Variants in ANGPTL7 observed in about 807,000 individuals in gnomAD.
ANGPTL7 encodes angiopoietin like 7, also known as angiopoietin-related protein 7.
Under a neutral mutation model 38.8 loss-of-function variants are expected in ANGPTL7, and 37 were observed. The ratio of observed to expected loss-of-function variants is 0.95; its 90% CI spans 0.73 to 1.25. The LOEUF (loss-of-function observed/expected upper bound fraction) is 1.25, where lower values mean the gene tolerates loss of function less well. Among genes scored for constraint, ANGPTL7 ranks in the 50% most tolerant of loss-of-function variants. ANGPTL7 has a pLI of 0.00. For synonymous variants in ANGPTL7, 166 were observed against 163.2 expected, an observed-to-expected ratio of 1.02 and a Z score of -0.13; for missense variants, 427 against 438.6, an observed-to-expected ratio of 0.97 and a Z score of 0.24.
rs1645453507 is a variant in ANGPTL7 at position 11,189,769 on chromosome 1, A to G, written c.190A>G (p.Ser64Gly). ...AQVANLSSLL[S>G]ELNKKQERDW... ...AGTTGCCAACCTTAGCAGCCTGCTG[A>G]GTGAACTGAACAAGAAGCAGGAGAG... Residue 64 changes from serine (S) to glycine (G), a missense_variant, in exon 1 of 5, where the codon AGT becomes GGT. Coordinates refer to ENST00000376819, the MANE Select transcript of ANGPTL7 (RefSeq NM_021146.4). 1 of 1,614,198 alleles carries G rather than the reference A, an allele frequency of 6.2e-7. No individual in the cohort carries two copies. Among genetic ancestry groups the G allele is most frequent in the East Asian group, 2.2e-5 (1 of 44,874 alleles).
At chr1:11,192,117 C>G (rs1320130168) in intron 1 of ANGPTL7, among the ~76,000 whole-genome samples, 153 bp from the exon 2 acceptor site, 1 of 152,210 alleles carries the variant, frequency 6.6e-6, no homozygotes, top group Non-Finnish European at 1.5e-5. Context: ...CCCTCTGGAT[C>G]TCCCCATATC....
chr1:11,191,509 C>T (rs1295920231), intron 1 of ANGPTL7, among the ~76,000 whole-genome samples: 2 of 152,114 alleles, frequency 1.3e-5, no homozygotes, highest in African/African-American at 2.4e-5. Flanking sequence ...GGAAGCTTCT[C>T]TTGGATAGTA....
Position 11,193,755 on chromosome 1 carries a change from G to A in ANGPTL7, c.653G>A (p.Arg218Gln), listed in dbSNP as rs373447681. The A allele has an allele frequency of 4.3e-5, 69 of 1,613,992 alleles. No homozygotes were observed. The highest frequency in any genetic ancestry group is 2.5e-4 in the East Asian group (11 of 44,896). The change falls in exon 3 of 5, where the codon CGG (arginine) becomes CAG (glutamine). Residue 218 changes from arginine to glutamine, a missense_variant. By Grantham distance (43) the Arg-to-Gln change is conservative. Transcript: ENST00000376819. ...HIHRLSRQPT[R>Q]LRVEMEDWEG... Reference sequence around the variant, plus strand: ...CACCGGCTCTCCAGACAGCCAACCCGGCTGCGTGTAGAGATGGAGGTAAGC... The same window carrying A: ...CACCGGCTCTCCAGACAGCCAACCCAGCTGCGTGTAGAGATGGAGGTAAGC...
intron 1 of ANGPTL7, among the ~76,000 whole-genome samples, chr1:11,190,823 TC>T (rs1291282723): frequency 1.3e-5 from 2 of 152,158 alleles, no homozygotes; most frequent in African/African-American, 4.8e-5. Context: ...AAACCATTGG[TC>T]CCATTATAAA....
intron 1 of ANGPTL7, 96 bp downstream of exon 1, chr1:11,190,051 C>A: frequency 7.1e-7 from 1 of 1,412,894 alleles, no homozygotes. Context: ...ACTGGGGCCT[C>A]TTTTGTGGGT....
chr1:11,191,757 T>C (rs1295699184), intron 1 of ANGPTL7, among the ~76,000 whole-genome samples: 1 of 152,170 alleles, frequency 6.6e-6, no homozygotes, highest in East Asian at 1.9e-4. Flanking sequence ...AAATATGTGA[T>C]AATAAAATCT....
chr1:11,190,002 A>C (rs1645467198), intron 1 of ANGPTL7, 47 bp downstream of exon 1: 2 of 1,559,376 alleles, frequency 1.3e-6, no homozygotes, highest in South Asian at 2.5e-5. Context: ...CTCCCCATCT[A>C]CAGCACTGCT....
At position 11,189,374 on chromosome 1, in the gene ANGPTL7, T is replaced by C; in HGVS notation, c.-206T>C. 4 of 621,858 alleles carry C rather than the reference T, an allele frequency of 6.4e-6. No homozygotes were observed. The highest frequency in any genetic ancestry group is 1.1e-5 in the Non-Finnish European group (4 of 362,128). 38.5% of individuals were successfully genotyped at this position (621,858 alleles called of 1,614,324 possible). A position where few individuals can be genotyped will look rare whatever the true frequency, so the allele number is the denominator to read the frequency against. ...GCATTCGGGCTTGGAAGGAAAGCTA[T>C]AGGCTACCCATTCAGCTCCCCTGTC... On this transcript the variant is annotated 5_prime_UTR_variant, in exon 1 of 5. Coordinates refer to ENST00000376819, the MANE Select transcript of ANGPTL7 (RefSeq NM_021146.4).
chr1:11,189,911 T>C lies in ANGPTL7; in HGVS notation c.332T>C (p.Ile111Thr). 3.1e-6 allele frequency: 5 copies of C among 1,613,768 alleles called. No individual in the cohort carries two copies. The highest frequency in any genetic ancestry group is 4.2e-6 in the Non-Finnish European group (5 of 1,179,954). ...TCCGAGATGAACAACCAAATTGACA[T>C]CATGCAGCTGCAGGCAGCACAGACG... ...KYSEMNNQID[I>T]MQLQAAQTVT... is the part of the protein sequence containing the mutation. Residue 111 changes from isoleucine (I) to threonine (T), a missense_variant, in exon 1 of 5, where the codon ATC becomes ACC. Coordinates refer to ENST00000376819, the MANE Select transcript of ANGPTL7 (RefSeq NM_021146.4).
At chr1:11,193,218 G>A (rs571618548) in intron 2 of ANGPTL7, among the ~76,000 whole-genome samples, 3 of 151,892 alleles carry the variant, frequency 2.0e-5, no homozygotes, top group Non-Finnish European at 1.5e-5. Context: ...AGGAAGGCAG[G>A]AGAATCACTG....
chr1:11,192,417 C>A (rs775111946), intron 2 of ANGPTL7, 47 bp downstream of exon 2: 12 of 1,477,904 alleles, frequency 8.1e-6, no homozygotes, highest in South Asian at 1.1e-5. Flanking sequence ...CTGTCCTTCA[C>A]CCCCTCAAGG....
At chr1:11,192,804 A>T (rs557647265) in intron 2 of ANGPTL7, among the ~76,000 whole-genome samples, 1 of 151,328 alleles carries the variant, frequency 6.6e-6, no homozygotes, top group South Asian at 2.1e-4. Context: ...ACCAAACACC[A>T]CAGAGCTATG....
chr1:11,193,813 C>G (rs766174913), intron 3 of ANGPTL7, 39 bp downstream of exon 3: 65 of 1,602,414 alleles, frequency 4.1e-5, no homozygotes, highest in Non-Finnish European at 5.3e-5. Flanking sequence ...TGGACCAGTG[C>G]CACCACACAT....
intron 2 of ANGPTL7, among the ~76,000 whole-genome samples, chr1:11,193,162 C>A (rs575924502): frequency 6.6e-6 from 1 of 151,990 alleles, no homozygotes; most frequent in South Asian, 2.1e-4. Flanking sequence ...ACTAAAAATA[C>A]AAAAATTAGC....
At chr1:11,193,054 T>C (rs1645612611) in intron 2 of ANGPTL7, among the ~76,000 whole-genome samples, 2 of 152,132 alleles carry the variant, frequency 1.3e-5, no homozygotes, top group African/African-American at 4.8e-5. Flanking sequence ...GGCTCACACC[T>C]GTAATCCCAA....
rs771315180 is a variant in ANGPTL7, at chr1:11,195,052, G to GA, written c.*32dup. The GA allele has an allele frequency of 1.6e-4, 254 of 1,609,108 alleles. No homozygotes were observed. The highest frequency in any genetic ancestry group is 2.1e-4 in the Non-Finnish European group (242 of 1,177,996). ...GAGGCTGCCGTGGAGCACGGATACA[G>GA]AAACTGAGACACGTGGAGACTGGAT... is the stretch of plus-strand genomic sequence containing the variant. On this transcript the variant is annotated 3_prime_UTR_variant, in exon 5 of 5. Transcript: ENST00000376819.
At chr1:11,194,772 T>C in intron 4 of ANGPTL7, 82 bp from the exon 5 acceptor site, 1 of 1,598,158 alleles carries the variant, frequency 6.3e-7, no homozygotes, top group Non-Finnish European at 8.5e-7. Flanking sequence ...TGGTATTCTT[T>C]CTGACCCTGG....
In ANGPTL7 at chr1:11,194,344, T is replaced by G. The variant is rs188299532; in HGVS notation, c.673-117T>G. ...AGGTAAACAAGTAATAAAGTCTTAT[T>G]AGATTCACACCTATAAAAAGATGTT... On this transcript the variant is annotated intron_variant, in intron 3 of 4. Coordinates refer to ENST00000376819, the MANE Select transcript of ANGPTL7 (RefSeq NM_021146.4). 8.6e-4 allele frequency: 816 copies of G among 947,946 alleles called. 8 individuals are homozygous for G. The African/African-American group carries it at 0.012, about 14-fold the overall frequency. 58.7% of individuals were successfully genotyped at this position (947,946 alleles called of 1,614,324 possible).
chr1:11,193,840 G>C lies in ANGPTL7; in HGVS notation c.672+66G>C, dbSNP rs971408868. 7 of 1,490,532 alleles carry C rather than the reference G, an allele frequency of 4.7e-6. No homozygotes were observed. The South Asian group carries it at 8.3e-5, about 18-fold the overall frequency. The allele number at this position is 1,490,532 out of a possible 1,614,324, so 92.3% of individuals were successfully genotyped here. A position where few individuals can be genotyped will look rare whatever the true frequency, so the allele number is the denominator to read the frequency against. ...ACCACACATGACCGCGTACAACTCC[G>C]GGGGTGCCATTCCTATTCTGATTCA... On this transcript the variant is annotated intron_variant, in intron 3 of 4. Transcript: ENST00000376819.
Sources: gnomAD v4.1 joint callset for allele counts (sites outside exome capture counted in the v4.1 genomes callset) on GRCh38, gnomAD v4.1.1 for gene constraint, MANE v1.5 for transcripts, NCBI Gene and HGNC (gene_info 2026-07-23, HGNC 2026-07-21) for gene names.